The following KCNIP1 variants were observed in gnomAD, a reference collection of about 807,000 sequenced individuals.
KCNIP1 encodes A-type potassium channel modulatory protein KCNIP1.
A neutral mutation model predicts 33.0 loss-of-function variants in KCNIP1; 18 were observed. The observed-to-expected ratio is 0.55, with a 90% CI of 0.38 to 0.81. KCNIP1 has a LOEUF of 0.81. Ranked by LOEUF, KCNIP1 falls within the 30% of genes least tolerant of loss-of-function variation. The pLI is 0.00. For missense variants in KCNIP1, 238 were observed against 271.6 expected (o/e 0.88, Z 0.87); for synonymous variants, 93 against 98.3 (o/e 0.95, Z 0.32).
intron 1 of KCNIP1, among the ~76,000 whole-genome samples, chr5:170,668,504 A>G (rs1353981282): frequency 2.6e-5 from 4 of 152,188 alleles, no homozygotes; most frequent in Non-Finnish European, 5.9e-5. Context: ...TCAGCCCTAG[A>G]AATCTCTGAA....
intron 1 of KCNIP1, chr5:170,383,804 T>C (rs759566195): frequency 7.4e-6 from 12 of 1,614,012 alleles, no homozygotes; most frequent in Non-Finnish European, 1.0e-5. Flanking sequence ...TCCTGGTCCC[T>C]GATGTTGGTC....
intron 1 of KCNIP1, chr5:170,483,139 C>T: frequency 2.3e-6 from 1 of 441,262 alleles, no homozygotes; most frequent in South Asian, 1.6e-5. Context: ...GCTGTGGAGA[C>T]AGGTATTTCC....
chr5:170,560,978 G>A (rs1168759135), intron 1 of KCNIP1: 1 of 383,628 alleles, frequency 2.6e-6, no homozygotes, highest in Non-Finnish European at 5.2e-6. Context: ...AGTCCCCTCT[G>A]GGGCCCAGAG....
intron 1 of KCNIP1, among the ~76,000 whole-genome samples, chr5:170,463,138 A>G (rs535816096): frequency 6.6e-6 from 1 of 152,340 alleles, no homozygotes; most frequent in South Asian, 2.1e-4. Context: ...AAATAAAAAT[A>G]AAATTTTAAA....
At chr5:170,640,139 T>C (rs1760480791) in intron 1 of KCNIP1, among the ~76,000 whole-genome samples, 1 of 152,138 alleles carries the variant, frequency 6.6e-6, no homozygotes, top group Non-Finnish European at 1.5e-5. Context: ...TGGTGACAGA[T>C]TTGCCACAGA....
intron 1 of KCNIP1, among the ~76,000 whole-genome samples, chr5:170,359,438 C>A (rs1763441654): frequency 6.6e-6 from 1 of 152,162 alleles, no homozygotes; most frequent in African/African-American, 2.4e-5. Flanking sequence ...CCATGAAAAG[C>A]TAAGCTTCAA....
intron 1 of KCNIP1, among the ~76,000 whole-genome samples, chr5:170,638,536 G>A (rs1760391164): frequency 6.6e-6 from 1 of 152,204 alleles, no homozygotes; most frequent in African/African-American, 2.4e-5. Context: ...TTACCATTCT[G>A]AGTGGCAGTC....
intron 1 of KCNIP1, among the ~76,000 whole-genome samples, chr5:170,487,899 G>C (rs1354926124): frequency 6.6e-6 from 1 of 152,110 alleles, no homozygotes; most frequent in Non-Finnish European, 1.5e-5. Context: ...ACATTGGTCT[G>C]CATGTTGTTC....
intron 1 of KCNIP1, chr5:170,378,076 T>C (rs953642314): frequency 6.6e-6 from 1 of 151,660 alleles, no homozygotes; most frequent in Non-Finnish European, 1.5e-5. Context: ...GCAGCAAAAA[T>C]AAAAAGGGGA....
At chr5:170,532,567 G>A (rs1755823859) in intron 1 of KCNIP1, among the ~76,000 whole-genome samples, 2 of 152,060 alleles carry the variant, frequency 1.3e-5, no homozygotes, top group Admixed American at 1.3e-4. Context: ...GAACACTCTT[G>A]GACATGAGGA....
Position 170,576,471 on chromosome 5 carries a change from G to A in KCNIP1, c.61+71838G>A, listed in dbSNP as rs541725143. On this transcript the variant is annotated intron_variant, in intron 1 of 7. Transcript: ENST00000328939. ...GGGACATAGACTCCATTTCTTAATA[G>A]GTAACTGGCCAGAGTTGTAAAAGAG... Among the ~76,000 whole-genome samples, 13 of 152,256 alleles carry A rather than the reference G, an allele frequency of 8.5e-5. No homozygotes were observed. The South Asian group carries it at 2.3e-3, about 27-fold the overall frequency.
chr5:170,364,003 T>A (rs1314102620), intron 1 of KCNIP1, among the ~76,000 whole-genome samples: 1 of 140,298 alleles, frequency 7.1e-6, no homozygotes, highest in South Asian at 2.1e-4. Flanking sequence ...GTAATATCTT[T>A]TTTTTTTTTT....
In KCNIP1 at chr5:170,438,883, T is replaced by C. The variant is rs530311200; in HGVS notation, c.88+84919T>C. Among the ~76,000 whole-genome samples, 9 of 152,318 alleles carry C rather than the reference T, an allele frequency of 5.9e-5. No individual in the cohort carries two copies. In the South Asian group the frequency reaches 1.9e-3, roughly 32 times the overall value. On this transcript the variant is annotated intron_variant, in intron 1 of 7. Transcript: ENST00000377360. The stretch of plus-strand genomic sequence containing the variant: ...CACTGTGGTGCTGGAAACATCCTTG[T>C]TGTACTCCTCTGTGCCTGGACACTG...
intron 1 of KCNIP1, among the ~76,000 whole-genome samples, chr5:170,659,541 G>C (rs189010748): frequency 1.4e-3 from 208 of 152,298 alleles, no homozygotes; most frequent in Non-Finnish European, 2.6e-3. Flanking sequence ...ACACCTTTTG[G>C]AGGAGTCTCT....
intron 1 of KCNIP1, among the ~76,000 whole-genome samples, chr5:170,363,860 C>G (rs1763583494): frequency 6.6e-6 from 1 of 152,196 alleles, no homozygotes; most frequent in South Asian, 2.1e-4. Flanking sequence ...CCACTAAACC[C>G]TTCCCCATTT....
chr5:170,439,894 T>A (rs1325461149), intron 1 of KCNIP1, among the ~76,000 whole-genome samples: 1 of 152,158 alleles, frequency 6.6e-6, no homozygotes, highest in East Asian at 1.9e-4. Flanking sequence ...CCTTCCTTCA[T>A]ACAACCGGGG....
At chr5:170,665,146 T>G (rs1303165382) in intron 1 of KCNIP1, among the ~76,000 whole-genome samples, 3 of 152,188 alleles carry the variant, frequency 2.0e-5, no homozygotes, top group Non-Finnish European at 4.4e-5. Flanking sequence ...GCTTTCATTC[T>G]CATTAATGGG....
At chr5:170,447,801 C>T (rs1756155572) in intron 1 of KCNIP1, among the ~76,000 whole-genome samples, 1 of 151,818 alleles carries the variant, frequency 6.6e-6, no homozygotes, top group Admixed American at 6.6e-5. Context: ...GTGTTTGTTG[C>T]TTACAAATGA....
At chr5:170,622,503 TCCCAGCTA>T (rs1171112655) in intron 1 of KCNIP1, among the ~76,000 whole-genome samples, 1 of 150,836 alleles carries the variant, frequency 6.6e-6, no homozygotes, top group Non-Finnish European at 1.5e-5. Flanking sequence ...GCACCCATAA[TCCCAGCTA>T]CTCGGGAGGC....
Sources: allele counts gnomAD v4.1 joint callset (sites outside exome capture counted in the v4.1 genomes callset), GRCh38; gene constraint gnomAD v4.1.1; transcripts MANE v1.5; gene names NCBI Gene and HGNC (gene_info 2026-07-23, HGNC 2026-07-21).